The following TNFAIP8 variants were observed in gnomAD, a reference collection of about 807,000 sequenced individuals.
TNFAIP8 encodes the protein tumor necrosis factor alpha-induced protein 8.
TNFAIP8 carries 7 observed loss-of-function variants against 13.3 expected under a neutral mutation model. The ratio of observed to expected loss-of-function variants is 0.52; its 90% confidence interval spans 0.30 to 0.99. The LOEUF is 0.99. Among genes scored for constraint, TNFAIP8 ranks in the 50% least tolerant of loss-of-function variants. The probability of loss-of-function intolerance (pLI) is 0.07; values close to 1 mark genes in which losing one functional copy is unlikely to be tolerated. For synonymous variants in TNFAIP8, 94 were observed against 87.6 expected (o/e 1.07, Z -0.41); for missense variants, 258 against 236.9 (o/e 1.09, Z -0.58).
At chr5:119,351,030 GTGTGT>G (rs1241117024), upstream of TNFAIP8, among the ~76,000 whole-genome samples, 2 of 124,314 alleles carry the variant, frequency 1.6e-5, no homozygotes, top group African/African-American at 7.6e-5. Context: ...GTGTGTGTGT[GTGTGT>G]AGAGAGAGAG....
chr5:119,369,170 C>T (rs554784199), intron 1 of TNFAIP8, among the ~76,000 whole-genome samples: 1 of 151,756 alleles, frequency 6.6e-6, no homozygotes, highest in Admixed American at 6.6e-5. Context: ...TCTCCTCCCT[C>T]AGCCTCCCAA....
chr5:119,277,132 C>G lies in TNFAIP8; in HGVS notation c.1+8225C>G, dbSNP rs144829815. On this transcript the variant is annotated intron_variant, in intron 1 of 1. Transcript: ENST00000274456. Reference sequence around the variant, plus strand: ...CTCTCAAAATATCTTGTATACTGCACTCACCTGTTTTCAGACTGCATGGTC... The same window carrying G: ...CTCTCAAAATATCTTGTATACTGCAGTCACCTGTTTTCAGACTGCATGGTC... Among the ~76,000 whole-genome samples the G allele has an allele frequency of 3.6e-3, 545 of 152,220 alleles. 2 individuals are homozygous for G. The highest frequency in any genetic ancestry group is 0.013 in the African/African-American group (529 of 41,546).
At chr5:119,306,478 G>C (rs1481750549) in intron 1 of TNFAIP8, 1 of 152,096 alleles carries the variant, frequency 6.6e-6, no homozygotes. Context: ...TAGGCAACCT[G>C]GTGGTCCCCT....
At chr5:119,302,255 T>A (rs1490207133) in intron 1 of TNFAIP8, among the ~76,000 whole-genome samples, 1 of 152,240 alleles carries the variant, frequency 6.6e-6, no homozygotes, top group Non-Finnish European at 1.5e-5. Flanking sequence ...CTTTATGAGA[T>A]AGAAGATCTG....
chr5:119,338,109 G>A (rs527998087), intron 1 of TNFAIP8, among the ~76,000 whole-genome samples: 32 of 150,594 alleles, frequency 2.1e-4, no homozygotes, highest in African/African-American at 6.3e-4. Context: ...AGATCCCAGG[G>A]CAGACCTGAC....
chr5:119,382,985 A>G (rs1752544143), intron 1 of TNFAIP8, among the ~76,000 whole-genome samples: 1 of 152,226 alleles, frequency 6.6e-6, no homozygotes, highest in Admixed American at 6.5e-5. Flanking sequence ...GCAAAGTTAA[A>G]ATGGTTCTTT....
chr5:119,342,250 A>G (rs1171457153), intron 1 of TNFAIP8, among the ~76,000 whole-genome samples: 1 of 152,218 alleles, frequency 6.6e-6, no homozygotes, highest in Non-Finnish European at 1.5e-5. Context: ...GTAGCCTCTC[A>G]GAGATAGCAC....
At chr5:119,296,678 T>C (rs1336619253) in intron 1 of TNFAIP8, among the ~76,000 whole-genome samples, 10 of 152,314 alleles carry the variant, frequency 6.6e-5, no homozygotes, top group South Asian at 2.1e-4. Context: ...TTTCTATTGA[T>C]TGGAATAGCT....
intron 1 of TNFAIP8, among the ~76,000 whole-genome samples, chr5:119,297,062 C>G (rs996843309): frequency 6.6e-6 from 1 of 151,922 alleles, no homozygotes; most frequent in African/African-American, 2.4e-5. Context: ...TTTTGTTGAT[C>G]CTTTCAGAAA....
chr5:119,286,489 G>A (rs1165652508), intron 1 of TNFAIP8, among the ~76,000 whole-genome samples: 1 of 151,986 alleles, frequency 6.6e-6, no homozygotes, highest in Non-Finnish European at 1.5e-5. Flanking sequence ...GGGCATAGTG[G>A]CGGGCGCCTG....
intron 1 of TNFAIP8, among the ~76,000 whole-genome samples, chr5:119,388,745 C>T (rs1477849227): frequency 1.3e-5 from 2 of 151,608 alleles, no homozygotes; most frequent in African/African-American, 4.9e-5. Context: ...CTCCTGGGCT[C>T]GGGCAGTCCT....
chr5:119,270,656 CTT>C (rs1561976266), intron 1 of TNFAIP8, among the ~76,000 whole-genome samples: 1 of 152,216 alleles, frequency 6.6e-6, no homozygotes, highest in African/African-American at 2.4e-5. Context: ...CACTGCCCAT[CTT>C]TTCAGTTTTT....
intron 1 of TNFAIP8, among the ~76,000 whole-genome samples, chr5:119,376,788 T>A (rs986580415): frequency 6.6e-6 from 1 of 152,138 alleles, no homozygotes; most frequent in Admixed American, 6.5e-5. Context: ...CAATGAGGAC[T>A]TCCTGATATT....
At chr5:119,308,614 C>G (rs1175928748) in intron 1 of TNFAIP8, among the ~76,000 whole-genome samples, 1 of 151,912 alleles carries the variant, frequency 6.6e-6, no homozygotes, top group Non-Finnish European at 1.5e-5. Context: ...GCCTGTAATC[C>G]ACCACTTTGG....
intron 1 of TNFAIP8, among the ~76,000 whole-genome samples, chr5:119,342,118 A>G (rs1248698480): frequency 1.3e-5 from 2 of 152,200 alleles, no homozygotes; most frequent in African/African-American, 4.8e-5. Flanking sequence ...CTTTTCCTCC[A>G]AGGGATGTTT....
upstream of TNFAIP8, chr5:119,355,429 C>G (rs912096777): frequency 5.7e-6 from 4 of 698,988 alleles, no homozygotes; most frequent in Non-Finnish European, 1.0e-5. Context: ...TTCAAAAGGC[C>G]CCGCTCTGGG....
upstream of TNFAIP8, chr5:119,355,164 C>T: frequency 1.6e-6 from 1 of 632,676 alleles, no homozygotes. Flanking sequence ...GGCTGTCCGG[C>T]TTCTTTATTC....
At chr5:119,385,012 GA>G (rs1562033236) in intron 1 of TNFAIP8, among the ~76,000 whole-genome samples, 2 of 152,192 alleles carry the variant, frequency 1.3e-5, no homozygotes, top group Non-Finnish European at 2.9e-5. Flanking sequence ...TAAAGCCTGA[GA>G]TCACAGAGGG....
chr5:119,398,745 G>A lies in TNFAIP8; in HGVS notation c.*5364G>A, dbSNP rs1389746511. On this transcript the variant is annotated 3_prime_UTR_variant, in exon 2 of 2. Coordinates refer to ENST00000504771, the MANE Select transcript of TNFAIP8 (RefSeq NM_014350.4). ...AAATTTTTAAAAACCAACCTGATGT[G>A]AAGTTGAAACACAAGACGCGGAAAT... is the stretch of plus-strand genomic sequence containing the variant. 6.6e-6 allele frequency: 1 copy of A among 151,944 alleles called. No homozygotes were observed. Among genetic ancestry groups the A allele is most frequent in the Non-Finnish European group, 1.5e-5 (1 of 67,996 alleles). The allele number at this position is 151,944 out of a possible 1,614,324, so 9.4% of individuals were successfully genotyped here.
Sources: allele counts gnomAD v4.1 joint callset (sites outside exome capture counted in the v4.1 genomes callset), GRCh38; gene constraint gnomAD v4.1.1; transcripts MANE v1.5; gene names NCBI Gene and HGNC (gene_info 2026-07-23, HGNC 2026-07-21).